Variants in SLC25A25 observed in about 807,000 individuals in gnomAD.
SLC25A25 encodes solute carrier family 25 member 25, also known as mitochondrial adenyl nucleotide antiporter SLC25A25.
In SLC25A25, 32 loss-of-function variants were observed where a neutral mutation model predicts 57.7. That is an observed-to-expected ratio of 0.55 (90% CI 0.42 to 0.74). The LOEUF (loss-of-function observed/expected upper bound fraction) is 0.74. Ranked by LOEUF, SLC25A25 falls within the 30% of genes least tolerant of loss-of-function variation. The probability of loss-of-function intolerance (pLI) is 0.00; values close to 1 mark genes in which losing one functional copy is unlikely to be tolerated. For synonymous variants in SLC25A25, 306 were observed against 291.2 expected (o/e 1.05, Z -0.52); for missense variants, 556 against 701.3 (o/e 0.79, Z 2.34).
chr9:128,106,979 G>T, intron 9 of SLC25A25, 50 bp from the exon 10 acceptor site: 1 of 1,581,610 alleles, frequency 6.3e-7, no homozygotes, highest in Non-Finnish European at 8.6e-7. Context: ...GTCTCTTGCT[G>T]CCTCACTAGC....
intron 1 of SLC25A25, chr9:128,091,678 A>C (rs1588767170): frequency 7.8e-7 from 1 of 1,286,344 alleles, no homozygotes. Context: ...AGAGTGAGCT[A>C]CTTCTCAGGC....
Position 128,095,761 on chromosome 9 carries a change from G to A in SLC25A25, c.262-5335G>A, listed in dbSNP as rs1331670430. Among the ~76,000 whole-genome samples the A allele has an allele frequency of 6.6e-6, 1 of 152,146 alleles. No individual in the cohort carries two copies. Among genetic ancestry groups the A allele is most frequent in the Non-Finnish European group, 1.5e-5 (1 of 68,020 alleles). ...GGAGGTGGAGGTTGTAGTGAGCCAA[G>A]ATCGCGCCACTGCACTCCAGCCTGG... On this transcript the variant is annotated intron_variant, in intron 1 of 10. Transcript: ENST00000373069. This position sits in a 1 kb window ranked among gnomAD's most constrained non-coding sequence, Gnocchi z 4.4.
intron 1 of SLC25A25, among the ~76,000 whole-genome samples, chr9:128,081,802 T>A (rs1459356999): frequency 6.6e-6 from 1 of 152,014 alleles, no homozygotes; most frequent in Non-Finnish European, 1.5e-5. Flanking sequence ...ATGCCTGTGG[T>A]CCCAGCTACT....
chr9:128,068,485 A>G lies in SLC25A25; in HGVS notation c.166A>G (p.Thr56Ala), dbSNP rs1314577680. ...HRLRLWRLFQ[T>A]LDVNRDGGLC... is the part of the protein sequence containing the mutation. ...GCTGCGCCTGTGGAGACTCTTTCAG[A>G]CGCTCGACGTCAACCGGGACGGCGG... Residue 56 changes from threonine to alanine, a missense_variant, in exon 1 of 11, where the codon ACG becomes GCG. Transcript: ENST00000373069. 2.0e-6 allele frequency: 3 copies of G among 1,517,540 alleles called. No homozygotes were observed. The highest frequency in any genetic ancestry group is 1.4e-5 in the African/African-American group (1 of 69,702). 94.0% of individuals were successfully genotyped at this position (1,517,540 alleles called of 1,614,324 possible). A position where few individuals can be genotyped will look rare whatever the true frequency, so the allele number is the denominator to read the frequency against.
chr9:128,099,432 G>A lies in SLC25A25; in HGVS notation c.262-1664G>A. The stretch of plus-strand genomic sequence containing the variant: ...GGTGTCTGCGACAGCACCCACCCCA[G>A]GGAGGCATGTGGCTCACCCTGGCAG... On this transcript the variant is annotated intron_variant, in intron 1 of 10. Coordinates refer to ENST00000373069, the MANE Select transcript of SLC25A25 (RefSeq NM_001330988.2). This position sits in a 1 kb window ranked among gnomAD's most constrained non-coding sequence, Gnocchi z 6.8. The A allele has an allele frequency of 2.6e-6, 3 of 1,144,114 alleles. No individual in the cohort carries two copies. Among genetic ancestry groups the A allele is most frequent in the South Asian group, 1.6e-5 (1 of 61,118 alleles). 70.9% of individuals were successfully genotyped at this position (1,144,114 alleles called of 1,614,324 possible). A position where few individuals can be genotyped will look rare whatever the true frequency, so the allele number is the denominator to read the frequency against.
intron 1 of SLC25A25, chr9:128,100,820 G>A (rs981386122): frequency 4.5e-6 from 2 of 443,026 alleles, no homozygotes; most frequent in Admixed American, 7.6e-5. Flanking sequence ...TCTGTCCGGA[G>A]GGCTCTTCCC....
intron 1 of SLC25A25, among the ~76,000 whole-genome samples, chr9:128,069,059 G>A (rs1023688091): frequency 4.6e-5 from 7 of 152,208 alleles, no homozygotes; most frequent in Admixed American, 3.3e-4. Context: ...GGGGTTTCAG[G>A]CTGATCCGTG....
chr9:128,088,752 C>T (rs1833334287), intron 1 of SLC25A25, among the ~76,000 whole-genome samples: 1 of 152,260 alleles, frequency 6.6e-6, no homozygotes, highest in East Asian at 1.9e-4. Flanking sequence ...GCCGGAAGCC[C>T]TTGAACTCAT....
chr9:128,090,410 A>T (rs971828669), intron 1 of SLC25A25, among the ~76,000 whole-genome samples: 8 of 148,780 alleles, frequency 5.4e-5, no homozygotes, highest in African/African-American at 2.0e-4. Flanking sequence ...ACGGGGTTTC[A>T]CCATGTTGGC....
intron 1 of SLC25A25, chr9:128,098,733 G>C: frequency 6.2e-7 from 1 of 1,613,446 alleles, no homozygotes; most frequent in Admixed American, 1.7e-5. Flanking sequence ...CAGGTCTGTG[G>C]GGTGACCGCG....
chr9:128,081,922 A>AAAAAAT (rs1554732139), intron 1 of SLC25A25, among the ~76,000 whole-genome samples: 14 of 151,378 alleles, frequency 9.2e-5, no homozygotes, highest in Non-Finnish European at 1.9e-4. Context: ...CTGTCTCAAA[A>AAAAAAT]AAAATAAAGT....
chr9:128,101,649 G>A lies in SLC25A25; in HGVS notation c.476+253G>A, dbSNP rs2130818341. On this transcript the variant is annotated intron_variant, in intron 3 of 10. Coordinates refer to ENST00000373069, the MANE Select transcript of SLC25A25 (RefSeq NM_001330988.2). This position sits in a 1 kb window ranked among gnomAD's most constrained non-coding sequence, Gnocchi z 4.9. ...CCATGAAGGGAAAACTAATTTGGGG[G>A]TGGTTCAAATAGGTAAAAGGCCAGC... Among the ~76,000 whole-genome samples the A allele has an allele frequency of 6.7e-6, 1 of 149,250 alleles. No individual in the cohort carries two copies. Among genetic ancestry groups the A allele is most frequent in the Middle Eastern group, 3.4e-3 (1 of 294 alleles).
intron 1 of SLC25A25, among the ~76,000 whole-genome samples, chr9:128,078,539 ACT>A (rs1245406479): frequency 2.0e-5 from 3 of 150,766 alleles, no homozygotes; most frequent in Admixed American, 6.6e-5. Context: ...AGACTCACTC[ACT>A]CTATCTACAC....
At position 128,107,912 on chromosome 9, in the gene SLC25A25, C is replaced by T. The variant is rs1392338770; in HGVS notation, c.*468C>T. 1.0e-5 allele frequency: 4 copies of T among 399,734 alleles called. No homozygotes were observed. Among genetic ancestry groups the T allele is most frequent in the Non-Finnish European group, 8.8e-6 (2 of 227,002 alleles). 24.8% of individuals were successfully genotyped at this position (399,734 alleles called of 1,614,324 possible). A position where few individuals can be genotyped will look rare whatever the true frequency, so the allele number is the denominator to read the frequency against. On this transcript the variant is annotated 3_prime_UTR_variant, in exon 11 of 11. Transcript: ENST00000373069. ...AGGGCTACAGCCCACATCCCACCCC[C>T]TCGTCCAATCCCATAATCCATGATG...
At position 128,099,963 on chromosome 9, in the gene SLC25A25, C is replaced by T. The variant is rs894215852; in HGVS notation, c.262-1133C>T. 3.3e-5 allele frequency among the ~76,000 whole-genome samples: 5 copies of T among 152,092 alleles called. No individual in the cohort carries two copies. The highest frequency in any genetic ancestry group is 1.2e-4 in the African/African-American group (5 of 41,384). On this transcript the variant is annotated intron_variant, in intron 1 of 10. Coordinates refer to ENST00000373069, the MANE Select transcript of SLC25A25 (RefSeq NM_001330988.2). This position sits in a 1 kb window ranked among gnomAD's most constrained non-coding sequence, Gnocchi z 6.8. The stretch of plus-strand genomic sequence containing the variant: ...CCAGTTTTGGGTTCCGGATTCAGGG[C>T]GTTGCTGAGTTGGGGTGACTCACTT...
At chr9:128,084,487 G>A (rs1226181172) in intron 1 of SLC25A25, among the ~76,000 whole-genome samples, 1 of 151,952 alleles carries the variant, frequency 6.6e-6, no homozygotes, top group Non-Finnish European at 1.5e-5. Context: ...ATTGATTCCA[G>A]GTTTTTAGAT....
intron 1 of SLC25A25, among the ~76,000 whole-genome samples, chr9:128,100,197 G>A (rs371360447): frequency 1.4e-3 from 163 of 116,766 alleles, no homozygotes; most frequent in Middle Eastern, 5.4e-3. Flanking sequence ...CTGTTTGCGA[G>A]GGGGGTAAGT....
At chr9:128,090,011 C>T (rs1833362886) in intron 1 of SLC25A25, among the ~76,000 whole-genome samples, 1 of 152,020 alleles carries the variant, frequency 6.6e-6, no homozygotes, top group Non-Finnish European at 1.5e-5. Flanking sequence ...TTCAGTTTCG[C>T]AAGATATAAG....
In SLC25A25 at chr9:128,099,219, C is replaced by T. The variant is rs1258546556; in HGVS notation, c.262-1877C>T. Reference sequence around the variant, plus strand: ...AGTGAGGAAGCCGAGCTGCAGAGTCCGGAGGCCCCTTGCCACCTCGGCTTC... The same window carrying T: ...AGTGAGGAAGCCGAGCTGCAGAGTCTGGAGGCCCCTTGCCACCTCGGCTTC... On this transcript the variant is annotated intron_variant, in intron 1 of 10. Transcript: ENST00000373069. The surrounding 1 kb of genome is among the most constrained non-coding windows in gnomAD (Gnocchi z 6.8). 16 of 1,288,450 alleles carry T rather than the reference C, an allele frequency of 1.2e-5. No homozygotes were observed. The South Asian group carries it at 1.4e-4, about 11-fold the overall frequency. 79.8% of individuals were successfully genotyped at this position (1,288,450 alleles called of 1,614,324 possible). A position where few individuals can be genotyped will look rare whatever the true frequency, so the allele number is the denominator to read the frequency against.
Sources: allele counts gnomAD v4.1 joint callset (sites outside exome capture counted in the v4.1 genomes callset), GRCh38; gene constraint gnomAD v4.1.1; non-coding constraint Gnocchi (gnomAD v3.1); transcripts MANE v1.5; gene names NCBI Gene and HGNC (gene_info 2026-07-23, HGNC 2026-07-21).